Variants in SRPRA observed in about 807,000 individuals in gnomAD.
The protein encoded by SRPRA is signal recognition particle receptor subunit alpha.
SRPRA carries 30 observed loss-of-function variants against 61.1 expected under a neutral mutation model. That is an observed-to-expected ratio of 0.49 (90% CI 0.37 to 0.67). The LOEUF is 0.67. Among genes scored for constraint, SRPRA ranks in the 30% least tolerant of loss-of-function variants. The pLI, the probability that SRPRA is intolerant of heterozygous loss-of-function variation, is 0.00. For synonymous variants in SRPRA, 324 were observed against 299.7 expected (o/e 1.08, Z -0.84); for missense variants, 759 against 828.4 (o/e 0.92, Z 1.03).
intron 1 of SRPRA, 124 bp downstream of exon 1, chr11:126,268,564 A>C (rs1950871680): frequency 1.4e-6 from 1 of 737,064 alleles, no homozygotes; most frequent in East Asian, 2.6e-5. Context: ...AGTCCGGGTT[A>C]CGCGTGAGTG....
rs116418767 is a variant in SRPRA, at chr11:126,264,003, G to C, written c.1830C>G (p.Pro610=). 1.4e-5 allele frequency: 23 copies of C among 1,614,166 alleles called. No homozygotes were observed. The African/African-American group carries it at 2.4e-4, about 17-fold the overall frequency. ...AISMTYITSK[P]IVFVGTGQTY... Reference sequence around the variant, plus strand: ...TCTGGCCGGTGCCCACAAAGACGATGGGTTTGCTTGTGATGTACGTCATAG... The same window carrying C: ...TCTGGCCGGTGCCCACAAAGACGATCGGTTTGCTTGTGATGTACGTCATAG... Residue 610 remains proline (P), a synonymous_variant, in exon 14 of 14, where the codon CCC becomes CCG. Transcript: ENST00000332118. The surrounding 1 kb of genome is among the most constrained non-coding windows in gnomAD (Gnocchi z 5.0).
chr11:126,267,173 GCCTT>G lies in SRPRA; in HGVS notation c.524_526+1del, dbSNP rs1164212976. On this transcript the variant is annotated splice_donor_variant and coding_sequence_variant, in exon 4 of 14. Transcript: ENST00000332118. LOFTEE classifies it high-confidence loss of function. This position sits in a 1 kb window ranked among gnomAD's most constrained non-coding sequence, Gnocchi z 4.2. ...CAGTATATCCAAAGAACTCAAACTT[GCCTT>G]CCTTCTTGGCCCCCTTTTTTTTGCT... The G allele has an allele frequency of 6.2e-7, 1 of 1,613,922 alleles. No homozygotes were observed. The highest frequency in any genetic ancestry group is 1.7e-5 in the Admixed American group (1 of 59,968).
downstream of SRPRA, chr11:126,261,999 AT>A: frequency 1.1e-6 from 1 of 902,694 alleles, no homozygotes; most frequent in Non-Finnish European, 1.7e-6. Flanking sequence ...AAATTACAAG[AT>A]TCCTAGAATC....
At chr11:126,251,594 C>T in the SRPRA span, among the ~76,000 whole-genome samples, 2 of 152,198 alleles carry the variant, frequency 1.3e-5, no homozygotes, top group Non-Finnish European at 2.9e-5. Flanking sequence ...TGGTCAGCTC[C>T]TTCTTCATTT....
chr11:126,250,161 G>A, the SRPRA span, among the ~76,000 whole-genome samples: 4 of 150,436 alleles, frequency 2.7e-5, no homozygotes, highest in Non-Finnish European at 5.9e-5. This position sits in a 1 kb window ranked among gnomAD's most constrained non-coding sequence, Gnocchi z 5.1. Flanking sequence ...ACGCGATCTC[G>A]GCTCACTGCA....
downstream of SRPRA, chr11:126,262,185 A>C (rs774364059): frequency 6.3e-7 from 1 of 1,595,318 alleles, no homozygotes; most frequent in Admixed American, 1.7e-5. Context: ...GCCCTACTAC[A>C]GACAGTGTTT....
At position 126,267,539 on chromosome 11, in the gene SRPRA, G is replaced by C; in HGVS notation, c.365+10C>G. ...AAATAAATTGATTTTAGAGAAGGCA[G>C]GTCTCTCACCGAAGGAGCCGCAGGA... On this transcript the variant is annotated intron_variant, in intron 3 of 13. Transcript: ENST00000332118. The surrounding 1 kb of genome is among the most constrained non-coding windows in gnomAD (Gnocchi z 4.2). 2 of 1,613,754 alleles carry C rather than the reference G, an allele frequency of 1.2e-6. No homozygotes were observed. Among genetic ancestry groups the C allele is most frequent in the Non-Finnish European group, 1.7e-6 (2 of 1,179,920 alleles).
the SRPRA span, chr11:126,254,441 G>A: frequency 6.2e-7 from 1 of 1,613,900 alleles, no homozygotes. Context: ...ATGGTGAGTG[G>A]GGCTGATCTT....
downstream of SRPRA, chr11:126,260,387 AAT>A (rs1950664104): frequency 7.7e-6 from 1 of 129,834 alleles, no homozygotes; most frequent in African/African-American, 3.3e-5. Flanking sequence ...TTGTAAACAA[AAT>A]ATAGTGATTT....
chr11:126,248,553 A>G, the SRPRA span, among the ~76,000 whole-genome samples: 1 of 151,338 alleles, frequency 6.6e-6, no homozygotes, highest in African/African-American at 2.4e-5. Flanking sequence ...TATTTTTAGT[A>G]GAGAGATGGG....
chr11:126,256,791 T>C, the SRPRA span: 3 of 1,614,014 alleles, frequency 1.9e-6, no homozygotes, highest in Admixed American at 1.7e-5. The surrounding 1 kb of genome is among the most constrained non-coding windows in gnomAD (Gnocchi z 6.6). Context: ...GAGATGACTA[T>C]GCCGATCTTC....
At chr11:126,268,330 A>C (rs751873818) in intron 1 of SRPRA, among the ~76,000 whole-genome samples, 8 of 152,222 alleles carry the variant, frequency 5.3e-5, no homozygotes, top group Non-Finnish European at 1.2e-4. Flanking sequence ...AGTCATGTAA[A>C]CAATCAGATT....
chr11:126,253,072 C>T, the SRPRA span, among the ~76,000 whole-genome samples: 1 of 152,188 alleles, frequency 6.6e-6, no homozygotes, highest in Non-Finnish European at 1.5e-5. This position sits in a 1 kb window ranked among gnomAD's most constrained non-coding sequence, Gnocchi z 5.1. Flanking sequence ...TTAAAACTAG[C>T]AGCTTCTATG....
chr11:126,240,042 G>A, the SRPRA span, among the ~76,000 whole-genome samples: 1 of 152,096 alleles, frequency 6.6e-6, no homozygotes. Context: ...TAATGTGAAG[G>A]AACATATTTC....
the SRPRA span, among the ~76,000 whole-genome samples, chr11:126,236,764 T>C: frequency 6.6e-6 from 1 of 152,068 alleles, no homozygotes; most frequent in Admixed American, 6.6e-5. Context: ...GCTTTATTTT[T>C]TTCCCCCCCA....
At chr11:126,252,105 G>C in the SRPRA span, among the ~76,000 whole-genome samples, 3 of 152,084 alleles carry the variant, frequency 2.0e-5, no homozygotes, top group African/African-American at 7.2e-5. This position sits in a 1 kb window ranked among gnomAD's most constrained non-coding sequence, Gnocchi z 4.7. Flanking sequence ...TCCTGCCTCA[G>C]CGTCCCGAAT....
chr11:126,235,949 TTTTG>T, the SRPRA span, among the ~76,000 whole-genome samples: 10 of 152,212 alleles, frequency 6.6e-5, no homozygotes, highest in African/African-American at 9.7e-5. Context: ...AGACTGTCTT[TTTTG>T]TTTGTTTGTT....
At chr11:126,256,052 C>T in the SRPRA span, among the ~76,000 whole-genome samples, 1 of 152,338 alleles carries the variant, frequency 6.6e-6, no homozygotes, top group South Asian at 2.1e-4. This position sits in a 1 kb window ranked among gnomAD's most constrained non-coding sequence, Gnocchi z 6.6. Flanking sequence ...GGGTGGATCA[C>T]TCGAGGTCGG....
In SRPRA at chr11:126,266,274, C is replaced by T. The variant is rs115461150; in HGVS notation, c.845G>A (p.Arg282Gln). The stretch of plus-strand genomic sequence containing the variant: ...AAGCTGCCCCCCAGACCCAGTCCCT[C>T]GAATCTGGAAGATACGGGGAAAGGA... ...AALSEDINLIRGTGSGGQLQD... is the reference protein window; with the variant it reads ...AALSEDINLIQGTGSGGQLQD... The change falls in exon 7 of 14, where the codon CGA becomes CAA. Residue 282 changes from arginine to glutamine, a missense_variant. Arg to Gln is a conservative substitution (Grantham distance 43). Around this residue, in one of 2 missense-constraint regions of SRPRA, gnomAD observed 475 missense variants for 462.5 expected, o/e 1.03. Coordinates refer to ENST00000332118, the MANE Select transcript of SRPRA (RefSeq NM_003139.4). 2.2e-3 allele frequency: 3,598 copies of T among 1,614,152 alleles called. 51 individuals carry two copies. The highest frequency in any genetic ancestry group is 4.5e-3 in the African/African-American group (334 of 75,042).
Sources: gnomAD v4.1 joint callset for allele counts (sites outside exome capture counted in the v4.1 genomes callset) on GRCh38, gnomAD v4.1.1 for gene constraint, gnomAD v4.1.1 regional missense constraint, Gnocchi (gnomAD v3.1) non-coding constraint, MANE v1.5 for transcripts, NCBI Gene and HGNC (gene_info 2026-07-23, HGNC 2026-07-21) for gene names.